ZDHHC21: variants seen among roughly 807,000 people sequenced by gnomAD.
ZDHHC21 encodes palmitoyltransferase ZDHHC21.
A neutral mutation model predicts 34.6 loss-of-function variants in ZDHHC21; 15 were observed. That is an observed-to-expected ratio of 0.43 (90% CI 0.29 to 0.67). The LOEUF is 0.67. ZDHHC21 is among the 30% of genes least tolerant of loss of function. ZDHHC21 has a pLI of 0.14. For synonymous variants in ZDHHC21, 142 were observed against 101.8 expected (o/e 1.40, Z -2.38); for missense variants, 344 against 327.7 (o/e 1.05, Z -0.38).
At chr9:14,684,800 C>G (rs1455766256) in intron 2 of ZDHHC21, among the ~76,000 whole-genome samples, 1 of 152,142 alleles carries the variant, frequency 6.6e-6, no homozygotes, top group East Asian at 1.9e-4. Flanking sequence ...TGACTTCAAA[C>G]TACACTACAA....
chr9:14,600,897 G>A, the ZDHHC21 span, among the ~76,000 whole-genome samples: 7 of 152,230 alleles, frequency 4.6e-5, no homozygotes, highest in South Asian at 1.2e-3. Flanking sequence ...ACAAGCAATG[G>A]GGAAAGGATT....
intron 7 of ZDHHC21, among the ~76,000 whole-genome samples, chr9:14,643,455 T>C (rs1829753595): frequency 6.6e-6 from 1 of 152,218 alleles, no homozygotes; most frequent in Non-Finnish European, 1.5e-5. Flanking sequence ...AAATATCTTC[T>C]CCTGCTCTGA....
chr9:14,668,817 G>C (rs1292382583), intron 5 of ZDHHC21, among the ~76,000 whole-genome samples: 3 of 131,480 alleles, frequency 2.3e-5, no homozygotes, highest in South Asian at 3.1e-4. Context: ...AGCTGAAACT[G>C]GATCCCTTCC....
chr9:14,674,500 T>G (rs749856794), intron 3 of ZDHHC21, 115 bp from the exon 4 acceptor site: 42 of 572,324 alleles, frequency 7.3e-5, no homozygotes, highest in Non-Finnish European at 1.2e-4. Context: ...TTTGACATTT[T>G]CTTTCTGTAG....
At chr9:14,605,377 A>G in the ZDHHC21 span, among the ~76,000 whole-genome samples, 1 of 151,994 alleles carries the variant, frequency 6.6e-6, no homozygotes, top group African/African-American at 2.4e-5. Flanking sequence ...TTTTTTTCAA[A>G]TGGCCATTCT....
chr9:14,673,890 A>C (rs1172240721), intron 4 of ZDHHC21, among the ~76,000 whole-genome samples: 1 of 152,032 alleles, frequency 6.6e-6, no homozygotes, highest in African/African-American at 2.4e-5. Context: ...ACAAAACAGC[A>C]ATAATAAAAA....
chr9:14,624,696 A>G (rs1413379728), intron 8 of ZDHHC21, among the ~76,000 whole-genome samples: 1 of 152,048 alleles, frequency 6.6e-6, no homozygotes, highest in Non-Finnish European at 1.5e-5. Flanking sequence ...GTACAAAGTT[A>G]CAATTAGAAA....
At chr9:14,654,385 C>G (rs1831807033) in intron 7 of ZDHHC21, among the ~76,000 whole-genome samples, 1 of 101,168 alleles carries the variant, frequency 9.9e-6, no homozygotes, top group Non-Finnish European at 2.0e-5. Flanking sequence ...TGAGGCTTCT[C>G]TTATATCCTA....
At position 14,639,905 on chromosome 9, in the gene ZDHHC21, G is replaced by A. The variant is rs376687277; in HGVS notation, c.612C>T (p.Gly204=). 1.7e-5 allele frequency: 26 copies of A among 1,559,324 alleles called. No individual in the cohort carries two copies. The South Asian group carries it at 3.1e-4, about 19-fold the overall frequency. ...ITGLFYTQLI[G]IITDTTSIEK... The stretch of plus-strand genomic sequence containing the variant: ...TTAAAAATATACTTACTGTGATGAT[G>A]CCAATTAGTTGAGTGTAAAAGAGTC... Residue 204 remains glycine (G), a synonymous_variant, in exon 8 of 10, where the codon GGC becomes GGT. Transcript: ENST00000380916.
At chr9:14,675,957 A>G (rs766423715) in intron 3 of ZDHHC21, among the ~76,000 whole-genome samples, 12 of 152,108 alleles carry the variant, frequency 7.9e-5, no homozygotes, top group Non-Finnish European at 1.5e-5. Flanking sequence ...TGCCATCACA[A>G]ATCATAAAGC....
intron 3 of ZDHHC21, among the ~76,000 whole-genome samples, chr9:14,678,646 C>T (rs746992520): frequency 2.0e-5 from 3 of 151,996 alleles, no homozygotes; most frequent in African/African-American, 4.8e-5. Context: ...AACTCTTTTA[C>T]ACAGCAGTTT....
downstream of ZDHHC21, among the ~76,000 whole-genome samples, chr9:14,607,770 C>A (rs548048780): frequency 1.3e-5 from 2 of 152,194 alleles, no homozygotes; most frequent in South Asian, 4.1e-4. Context: ...GCGTTCACCT[C>A]TGAGGAGGAA....
Position 14,617,774 on chromosome 9 carries a change from A to G in ZDHHC21, c.*1192T>C, listed in dbSNP as rs1399463192. On this transcript the variant is annotated 3_prime_UTR_variant, in exon 10 of 10. Coordinates refer to ENST00000380916, the MANE Select transcript of ZDHHC21 (RefSeq NM_178566.6). The stretch of plus-strand genomic sequence containing the variant: ...GCTAATGATAAACACAGATCATTAT[A>G]TTTTCTTATTTTAGGTTCACTTCCT... 4 of 151,968 alleles carry G rather than the reference A, an allele frequency of 2.6e-5. No homozygotes were observed. Among genetic ancestry groups the G allele is most frequent in the Non-Finnish European group, 5.9e-5 (4 of 67,910 alleles). The allele number at this position is 151,968 out of a possible 1,614,324, so 9.4% of individuals were successfully genotyped here.
At chr9:14,626,513 AAAAT>A (rs1447491835) in intron 8 of ZDHHC21, among the ~76,000 whole-genome samples, 1 of 151,950 alleles carries the variant, frequency 6.6e-6, no homozygotes, top group African/African-American at 2.4e-5. Flanking sequence ...AGTTTTATCA[AAAAT>A]ACTTACAAGC....
At chr9:14,628,810 T>C (rs1826786118) in intron 8 of ZDHHC21, among the ~76,000 whole-genome samples, 1 of 152,192 alleles carries the variant, frequency 6.6e-6, no homozygotes, top group African/African-American at 2.4e-5. Flanking sequence ...TTTAACTTAA[T>C]TAAAATATTA....
At chr9:14,679,173 G>T (rs1019128171) in intron 3 of ZDHHC21, among the ~76,000 whole-genome samples, 1 of 152,086 alleles carries the variant, frequency 6.6e-6, no homozygotes, top group African/African-American at 2.4e-5. Context: ...CCAATACAGA[G>T]ATCTAGTTAG....
the ZDHHC21 span, among the ~76,000 whole-genome samples, chr9:14,603,995 A>G: frequency 6.6e-6 from 1 of 152,202 alleles, no homozygotes; most frequent in South Asian, 2.1e-4. Context: ...CTCGATATTT[A>G]CAAAGACTTT....
downstream of ZDHHC21, among the ~76,000 whole-genome samples, chr9:14,608,320 C>T (rs1426315968): frequency 6.6e-6 from 1 of 152,054 alleles, no homozygotes. Context: ...GAGGAGGGAA[C>T]ATGTCTAATT....
chr9:14,679,861 T>G (rs1837069586), intron 3 of ZDHHC21, among the ~76,000 whole-genome samples, 172 bp downstream of exon 3: 1 of 152,132 alleles, frequency 6.6e-6, no homozygotes, highest in African/African-American at 2.4e-5. Context: ...ATAGAAAAAG[T>G]CTTATTTAAG....
Sources: gnomAD v4.1 joint callset for allele counts (sites outside exome capture counted in the v4.1 genomes callset) on GRCh38, gnomAD v4.1.1 for gene constraint, MANE v1.5 for transcripts, NCBI Gene and HGNC (gene_info 2026-07-23, HGNC 2026-07-21) for gene names.